ZNF154: variants seen among roughly 807,000 people sequenced by gnomAD.
ZNF154 encodes zinc finger protein 154.
A neutral mutation model predicts 7.5 loss-of-function variants in ZNF154; 6 were observed. The observed-to-expected ratio is 0.80, with a 90% CI of 0.44 to 1.57. The LOEUF is 1.57. ZNF154 is among the 40% of genes most tolerant of loss of function. ZNF154 has a pLI of 0.01. For synonymous variants in ZNF154, 187 were observed against 185.9 expected, an observed-to-expected ratio of 1.01 and a Z score of -0.05; for missense variants, 485 against 531.4, an observed-to-expected ratio of 0.91 and a Z score of 0.86.
Position 57,698,416 on chromosome 19 carries a change from C to T in ZNF154, c.*3219G>A, listed in dbSNP as rs552039559. ...TCTACATTCTTGAGGTTATTCGTGG[C>T]CACTGTATCAGTATGGTAGAAACAG... On this transcript the variant is annotated 3_prime_UTR_variant, in exon 3 of 3. Coordinates refer to ENST00000684351, the MANE Select transcript of ZNF154 (RefSeq NM_001085384.3). 1 of 152,256 alleles carries T rather than the reference C, an allele frequency of 6.6e-6. No individual in the cohort carries two copies. The highest frequency in any genetic ancestry group is 2.4e-5 in the African/African-American group (1 of 41,552). 9.4% of individuals were successfully genotyped at this position (152,256 alleles called of 1,614,324 possible).
rs1272055419 is a variant in ZNF154, at chr19:57,696,766, TAC to T, written c.*4867_*4868del. Among the ~76,000 whole-genome samples the T allele has an allele frequency of 6.6e-6, 1 of 152,102 alleles. No individual in the cohort carries two copies. Among genetic ancestry groups the T allele is most frequent in the Non-Finnish European group, 1.5e-5 (1 of 68,008 alleles). ...ACCCAGGAAATCCCTCAGCTATAAA[TAC>T]AGTCCCTCAGCACTTTTCACTCCCC... On this transcript the variant is annotated 3_prime_UTR_variant, in exon 3 of 3. Coordinates refer to ENST00000684351, the MANE Select transcript of ZNF154 (RefSeq NM_001085384.3).
At chr19:57,708,813 C>T in intron 1 of ZNF154, 126 bp downstream of exon 1, 1 of 1,282,824 alleles carries the variant, frequency 7.8e-7, no homozygotes, top group Non-Finnish European at 1.1e-6. Flanking sequence ...AAAAAAAGGG[C>T]CCCACCCACG....
At chr19:57,707,708 C>G (rs1184774824) in intron 1 of ZNF154, among the ~76,000 whole-genome samples, 3 of 152,178 alleles carry the variant, frequency 2.0e-5, no homozygotes, top group Non-Finnish European at 4.4e-5. Flanking sequence ...GCTCTTTGTT[C>G]CCAGCTAAAA....
rs539518163 is a variant in ZNF154, at chr19:57,709,036, G to T, written c.-65C>A. On this transcript the variant is annotated 5_prime_UTR_variant, in exon 1 of 3. Transcript: ENST00000684351. ...ACATTGGTAGGGACCCGGGGACAGC[G>T]GTCCCTATCCCAGGCCTGACGTGGG... 2.2e-4 allele frequency: 338 copies of T among 1,547,418 alleles called. No individual in the cohort carries two copies. The highest frequency in any genetic ancestry group is 1.4e-3 in the South Asian group (120 of 83,924).
chr19:57,708,872 C>T, intron 1 of ZNF154, 67 bp downstream of exon 1: 1 of 1,536,124 alleles, frequency 6.5e-7, no homozygotes, highest in Non-Finnish European at 8.8e-7. Flanking sequence ...GAGCAGGCGC[C>T]CCTCACTGAT....
chr19:57,701,947 A>G lies in ZNF154; in HGVS notation c.1002T>C (p.Cys334=). Residue 334 remains cysteine, a synonymous_variant, in exon 3 of 3, where the codon TGT becomes TGC. Transcript: ENST00000684351. ...TGERPYKCSE[C]GKSFSQRSAL... ...CAGACCTTTGGCTAAAGGATTTCCC[A>G]CATTCGCTGCACTTATAAGGCCTTT... 6.2e-7 allele frequency: 1 copy of G among 1,613,314 alleles called. No homozygotes were observed. Among genetic ancestry groups the G allele is most frequent in the East Asian group, 2.2e-5 (1 of 44,846 alleles).
intron 1 of ZNF154, among the ~76,000 whole-genome samples, chr19:57,707,656 C>T (rs1206859962): frequency 2.6e-5 from 4 of 152,154 alleles, no homozygotes; most frequent in Non-Finnish European, 4.4e-5. Flanking sequence ...AATAGGTACC[C>T]AACTTCTCAG....
chr19:57,705,654 T>C (rs543888257), intron 1 of ZNF154, among the ~76,000 whole-genome samples: 18 of 150,976 alleles, frequency 1.2e-4, no homozygotes, highest in Non-Finnish European at 2.4e-4. Context: ...CTCAGGAGGC[T>C]GAGGCAGGAG....
chr19:57,706,455 A>G (rs1985396463), intron 1 of ZNF154, among the ~76,000 whole-genome samples: 1 of 152,230 alleles, frequency 6.6e-6, no homozygotes, highest in Non-Finnish European at 1.5e-5. Context: ...ACTGTCACAG[A>G]TGACCACATT....
rs760141876 is a variant in ZNF154 at position 57,702,450 on chromosome 19, C to T, written c.499G>A (p.Gly167Arg). 5 of 1,614,112 alleles carry T rather than the reference C, an allele frequency of 3.1e-6. No homozygotes were observed. The highest frequency in any genetic ancestry group is 1.3e-5 in the African/African-American group (1 of 74,940). ...TERCYICSEC[G>R]KSFSKSYSLN... is the part of the protein sequence containing the mutation. ...CTGTAGCTTTTGCTAAAGGATTTCC[C>T]ACATTCACTGCATATGTAACATCTT... The change falls in exon 3 of 3, where the codon GGG becomes AGG. Residue 167 changes from glycine (G) to arginine (R), a missense_variant. Gly to Arg is a moderately radical substitution (Grantham distance 125). Transcript: ENST00000684351.
Position 57,702,087 on chromosome 19 carries a change from G to A in ZNF154, c.862C>T (p.Leu288Phe). The part of the protein sequence containing the change: ...CGKFFTYHSS[L>F]IKHQKVHSGS... Reference sequence around the variant, plus strand: ...CTGTGAACTTTCTGGTGTTTTATGAGACTGGAATGATATGTAAAAAACTTC... The same window carrying A: ...CTGTGAACTTTCTGGTGTTTTATGAAACTGGAATGATATGTAAAAAACTTC... The change falls in exon 3 of 3, where the codon CTC (leucine) becomes TTC (phenylalanine). Residue 288 changes from leucine (L) to phenylalanine (F), a missense_variant. Coordinates refer to ENST00000684351, the MANE Select transcript of ZNF154 (RefSeq NM_001085384.3). 6.2e-7 allele frequency: 1 copy of A among 1,612,258 alleles called. No homozygotes were observed.
At chr19:57,705,408 A>T (rs1273354907) in intron 1 of ZNF154, among the ~76,000 whole-genome samples, 2 of 152,176 alleles carry the variant, frequency 1.3e-5, no homozygotes, top group Non-Finnish European at 2.9e-5. Context: ...CGAAGGCAGG[A>T]TTGCCACACT....
rs1030107507 is a variant in ZNF154, at chr19:57,702,556, A to G, written c.393T>C (p.Thr131=). The change falls in exon 3 of 3, where the codon ACT becomes ACC. Residue 131 remains threonine, a synonymous_variant. Coordinates refer to ENST00000684351, the MANE Select transcript of ZNF154 (RefSeq NM_001085384.3). ...DGGAISHRGK[T]HYNCGEHTKA... Reference sequence around the variant, plus strand: ...TTGTGTGTTCTCCACAGTTGTAATGAGTTTTTCCTCTGTGACTGATGGCCC... The same window carrying G: ...TTGTGTGTTCTCCACAGTTGTAATGGGTTTTTCCTCTGTGACTGATGGCCC... 6.2e-7 allele frequency: 1 copy of G among 1,613,958 alleles called. No homozygotes were observed. Among genetic ancestry groups the G allele is most frequent in the African/African-American group, 1.3e-5 (1 of 74,886 alleles).
At position 57,697,927 on chromosome 19, in the gene ZNF154, A is replaced by G. The variant is rs565538177; in HGVS notation, c.*3708T>C. Reference sequence around the variant, plus strand: ...TATATGTTGAGAATGAACTAAAAAGACAGAAGGAAACTGCGTTCCAGGGTG... The same window carrying G: ...TATATGTTGAGAATGAACTAAAAAGGCAGAAGGAAACTGCGTTCCAGGGTG... On this transcript the variant is annotated 3_prime_UTR_variant, in exon 3 of 3. Coordinates refer to ENST00000684351, the MANE Select transcript of ZNF154 (RefSeq NM_001085384.3). 6.6e-6 allele frequency: 1 copy of G among 152,220 alleles called. No homozygotes were observed. The highest frequency in any genetic ancestry group is 2.4e-5 in the African/African-American group (1 of 41,452). The allele number at this position is 152,220 out of a possible 1,614,324, so 9.4% of individuals were successfully genotyped here. A position where few individuals can be genotyped will look rare whatever the true frequency, so the allele number is the denominator to read the frequency against.
rs1985322726 is a variant in ZNF154 at position 57,704,889 on chromosome 19, C to T, written c.124G>A (p.Val42Met). The T allele has an allele frequency of 6.2e-7, 1 of 1,613,446 alleles. No individual in the cohort carries two copies. The change falls in exon 2 of 3, where the codon GTG (valine) becomes ATG (methionine). Residue 42 changes from valine (V) to methionine (M), a missense_variant. By Grantham distance (21) the Val-to-Met change is conservative. Transcript: ENST00000684351. ...DEAQRCLYRD[V>M]MLENLALLTS... ...AAAAGAGCCAAGTTCTCCAGCATCA[C>T]ATCACGGTACAGGCATCTTTGAGCC... is the stretch of plus-strand genomic sequence containing the variant.
intron 2 of ZNF154, among the ~76,000 whole-genome samples, 161 bp from the exon 3 acceptor site, chr19:57,702,949 CCT>C (rs1236079187): frequency 1.3e-5 from 2 of 152,212 alleles, no homozygotes; most frequent in African/African-American, 2.4e-5. Flanking sequence ...CCTTAGAAGT[CCT>C]GAGTTGGGTC....
In ZNF154 at chr19:57,702,594, T is replaced by G. The variant is rs756900914; in HGVS notation, c.355A>C (p.Lys119Gln). The stretch of plus-strand genomic sequence containing the variant: ...TGACTGATGGCCCCACCGTCGCTTT[T>G]GCTATTTGATTGCTCCCCAGTGTGA... ...AAHTGEQSNSKSDGGAISHRG... is the reference protein window; with the variant it reads ...AAHTGEQSNSQSDGGAISHRG... The change falls in exon 3 of 3, where the codon AAA (lysine) becomes CAA (glutamine). Residue 119 changes from lysine (K) to glutamine (Q), a missense_variant. Transcript: ENST00000684351. 1 of 1,613,908 alleles carries G rather than the reference T, an allele frequency of 6.2e-7. No individual in the cohort carries two copies. Among genetic ancestry groups the G allele is most frequent in the Non-Finnish European group, 8.5e-7 (1 of 1,179,924 alleles).
At position 57,697,340 on chromosome 19, in the gene ZNF154, A is replaced by G. The variant is rs1002775130; in HGVS notation, c.*4295T>C. 2.0e-5 allele frequency: 3 copies of G among 152,240 alleles called. No individual in the cohort carries two copies. The highest frequency in any genetic ancestry group is 1.9e-4 in the East Asian group (1 of 5,200). The allele number at this position is 152,240 out of a possible 1,614,324, so 9.4% of individuals were successfully genotyped here. A position where few individuals can be genotyped will look rare whatever the true frequency, so the allele number is the denominator to read the frequency against. On this transcript the variant is annotated 3_prime_UTR_variant, in exon 3 of 3. Coordinates refer to ENST00000684351, the MANE Select transcript of ZNF154 (RefSeq NM_001085384.3). ...CAACATCTAGTGTACAAGTTAAACAATGTTAGAGATTCAATAAGCCACATC... is the reference window on the plus strand; with the variant it reads ...CAACATCTAGTGTACAAGTTAAACAGTGTTAGAGATTCAATAAGCCACATC...
At chr19:57,703,214 G>A (rs1195887231) in intron 2 of ZNF154, among the ~76,000 whole-genome samples, 2 of 109,726 alleles carry the variant, frequency 1.8e-5, no homozygotes, top group Non-Finnish European at 3.8e-5. Flanking sequence ...TGGGCCGGGT[G>A]CGGTGGCTCA....
Sources: gnomAD v4.1 joint callset for allele counts (sites outside exome capture counted in the v4.1 genomes callset) on GRCh38, gnomAD v4.1.1 for gene constraint, MANE v1.5 for transcripts, NCBI Gene and HGNC (gene_info 2026-07-23, HGNC 2026-07-21) for gene names.